Variants in GARNL3 observed in about 807,000 individuals in gnomAD.
GARNL3 encodes GTPase-activating Rap/Ran-GAP domain-like protein 3.
In GARNL3, 63 loss-of-function variants were observed where a neutral mutation model predicts 125.0. That is an observed-to-expected ratio of 0.50 (90% confidence interval 0.41 to 0.62). The LOEUF is 0.62. GARNL3 is among the 20% of genes least tolerant of loss of function. The pLI is 0.00. For missense variants in GARNL3, 994 were observed against 1,244.0 expected, an observed-to-expected ratio of 0.80 and a Z score of 3.02; for synonymous variants, 439 against 457.5, an observed-to-expected ratio of 0.96 and a Z score of 0.52.
At chr9:127,244,670 T>C (rs769918909) in intron 2 of GARNL3, among the ~76,000 whole-genome samples, 3 of 152,358 alleles carry the variant, frequency 2.0e-5, no homozygotes, top group Non-Finnish European at 4.4e-5. Context: ...CTCAGGGGCC[T>C]GAACCTTACA....
intron 2 of GARNL3, among the ~76,000 whole-genome samples, chr9:127,304,299 G>C (rs1346832882): frequency 6.6e-6 from 1 of 152,170 alleles, no homozygotes; most frequent in African/African-American, 2.4e-5. Flanking sequence ...CTCCAGAACT[G>C]CAAGGACTGA....
chr9:127,345,166 G>T (rs913228863), intron 15 of GARNL3, among the ~76,000 whole-genome samples: 1 of 152,166 alleles, frequency 6.6e-6, no homozygotes, highest in Non-Finnish European at 1.5e-5. Context: ...TCACAGTAAT[G>T]ATATATTGAT....
intron 21 of GARNL3, 45 bp downstream of exon 21, chr9:127,357,422 A>G (rs373699405): frequency 6.6e-5 from 105 of 1,590,370 alleles, no homozygotes; most frequent in Non-Finnish European, 9.0e-5. Flanking sequence ...GAAAAGAGTA[A>G]TCATCGTTGT....
At chr9:127,308,521 C>T (rs1182304930) in intron 2 of GARNL3, among the ~76,000 whole-genome samples, 1 of 151,940 alleles carries the variant, frequency 6.6e-6, no homozygotes, top group Non-Finnish European at 1.5e-5. Context: ...ACATGTACCC[C>T]TTCAACCTAA....
Position 127,393,376 on chromosome 9 carries a change from A to G in GARNL3, c.*122A>G. 1 of 799,516 alleles carries G rather than the reference A, an allele frequency of 1.3e-6. No homozygotes were observed. Among genetic ancestry groups the G allele is most frequent in the East Asian group, 2.6e-5 (1 of 39,074 alleles). The allele number at this position is 799,516 out of a possible 1,614,324, so 49.5% of individuals were successfully genotyped here. A position where few individuals can be genotyped will look rare whatever the true frequency, so the allele number is the denominator to read the frequency against. Reference sequence around the variant, plus strand: ...GCCTGTCAGTGATCTATTGGACCAAACCTTCTGCACACTCGGCCAGTTCCC... The same window carrying G: ...GCCTGTCAGTGATCTATTGGACCAAGCCTTCTGCACACTCGGCCAGTTCCC... On this transcript the variant is annotated 3_prime_UTR_variant, in exon 28 of 28. Transcript: ENST00000373387.
At chr9:127,300,577 C>G in intron 2 of GARNL3, 1 of 312,984 alleles carries the variant, frequency 3.2e-6, no homozygotes, top group South Asian at 2.9e-5. Flanking sequence ...GCCTCAGCCT[C>G]CAGAGTAGCT....
At chr9:127,238,021 G>A (rs945234054) in intron 1 of GARNL3, among the ~76,000 whole-genome samples, 1 of 152,172 alleles carries the variant, frequency 6.6e-6, no homozygotes, top group Non-Finnish European at 1.5e-5. Flanking sequence ...CCATCCGCCT[G>A]ACTAAAGCCA....
intron 2 of GARNL3, among the ~76,000 whole-genome samples, chr9:127,309,798 C>T (rs2065047258): frequency 6.6e-6 from 1 of 152,182 alleles, no homozygotes. Flanking sequence ...TCTTTGTAAA[C>T]TTCCAATTGA....
chr9:127,263,288 CTCTACATCCTTGCTTTTT>C (rs1564858636), upstream of GARNL3, among the ~76,000 whole-genome samples: 1 of 152,230 alleles, frequency 6.6e-6, no homozygotes, highest in Non-Finnish European at 1.5e-5. Flanking sequence ...GGACCCAGTG[CTCTACATCCTTGCTTTTT>C]TCGTATTATT....
Position 127,344,238 on chromosome 9 carries a change from A to G in GARNL3, c.1255A>G (p.Met419Val). 1.2e-6 allele frequency: 2 copies of G among 1,602,090 alleles called. No homozygotes were observed. The highest frequency in any genetic ancestry group is 1.7e-6 in the Non-Finnish European group (2 of 1,174,956). Residue 419 changes from methionine (M) to valine (V), a missense_variant, in exon 15 of 28, where the codon ATG (methionine) becomes GTG (valine). Coordinates refer to ENST00000373387, the MANE Select transcript of GARNL3 (RefSeq NM_032293.5). ...ATAACTTGTTTTTCTTTTTTAGAACATGCTTAATAGACGATCTTTTAGTGA... is the reference window on the plus strand; with the variant it reads ...ATAACTTGTTTTTCTTTTTTAGAACGTGCTTAATAGACGATCTTTTAGTGA... ...QDLMPDLHKN[M>V]LNRRSFSDVL...
chr9:127,289,526 C>T (rs1416140893), intron 1 of GARNL3, among the ~76,000 whole-genome samples: 1 of 152,218 alleles, frequency 6.6e-6, no homozygotes, highest in African/African-American at 2.4e-5. Flanking sequence ...TGGAATGTTG[C>T]TCATCAAAGA....
rs112584668 is a variant in GARNL3 at position 127,287,781 on chromosome 9, G to A, written c.145-3387G>A. Among the ~76,000 whole-genome samples the A allele has an allele frequency of 9.2e-5, 14 of 152,328 alleles. 1 individual carries two copies. Among genetic ancestry groups the A allele is most frequent in the East Asian group, 1.9e-4 (1 of 5,188 alleles). On this transcript the variant is annotated intron_variant, in intron 1 of 27. Coordinates refer to ENST00000373387, the MANE Select transcript of GARNL3 (RefSeq NM_032293.5). ...GGTTTGATTAAGTTACTGCCCAACC[G>A]ACTTTCCCCAGCCTGTGGTGCTTCC...
chr9:127,253,177 T>G (rs1002828106), intron 2 of GARNL3, among the ~76,000 whole-genome samples: 1 of 152,210 alleles, frequency 6.6e-6, no homozygotes, highest in African/African-American at 2.4e-5. Flanking sequence ...CAGAAAGTTA[T>G]GAACTGGTCT....
upstream of GARNL3, among the ~76,000 whole-genome samples, chr9:127,259,041 C>A (rs2063540673): frequency 6.6e-6 from 1 of 152,200 alleles, no homozygotes; most frequent in African/African-American, 2.4e-5. Context: ...GAGTCCTGGC[C>A]TTGTGGGGTC....
chr9:127,252,695 T>C (rs888021829), intron 2 of GARNL3, among the ~76,000 whole-genome samples: 1 of 152,246 alleles, frequency 6.6e-6, no homozygotes, highest in African/African-American at 2.4e-5. Flanking sequence ...AAGTTTAAGT[T>C]CAAGTTCTAT....
At chr9:127,226,549 C>G (rs1451710897) in intron 1 of GARNL3, among the ~76,000 whole-genome samples, 2 of 152,204 alleles carry the variant, frequency 1.3e-5, no homozygotes. Flanking sequence ...TGCTTCCTCC[C>G]TTGTGCTGCA....
At chr9:127,387,806 C>T (rs1167851996) in intron 25 of GARNL3, among the ~76,000 whole-genome samples, 1 of 148,936 alleles carries the variant, frequency 6.7e-6, no homozygotes, top group Non-Finnish European at 1.5e-5. Context: ...TCTTAAGAAA[C>T]CTGGTGATAA....
intron 6 of GARNL3, among the ~76,000 whole-genome samples, chr9:127,323,662 C>T (rs1367598385): frequency 2.0e-5 from 3 of 152,106 alleles, no homozygotes; most frequent in African/African-American, 4.8e-5. Flanking sequence ...AAGGACTGGG[C>T]GTGAGATTCA....
Position 127,313,499 on chromosome 9 carries a change from C to G in GARNL3, c.378C>G (p.Thr126=). 6.2e-7 allele frequency: 1 copy of G among 1,614,078 alleles called. No individual in the cohort carries two copies. Among genetic ancestry groups the G allele is most frequent in the East Asian group, 2.2e-5 (1 of 44,880 alleles). Residue 126 remains threonine (T), a synonymous_variant, in exon 4 of 28, where the codon ACC becomes ACG. Transcript: ENST00000373387. ...AGAGCCCTTTCTTCTTGTCCGTGAC[C>G]CTTTCTGACCAAAACAATCAACGTG... ...AEKSPFFLSV[T]LSDQNNQRVP... is the part of the protein sequence containing the mutation.
Sources: allele counts gnomAD v4.1 joint callset (sites outside exome capture counted in the v4.1 genomes callset), GRCh38; gene constraint gnomAD v4.1.1; transcripts MANE v1.5; gene names NCBI Gene and HGNC (gene_info 2026-07-23, HGNC 2026-07-21).